Variants in TMTC1 observed in about 807,000 individuals in gnomAD.
TMTC1 encodes the protein transmembrane O-mannosyltransferase targeting cadherins 1, also known as protein O-mannosyl-transferase TMTC1.
TMTC1 carries 73 observed loss-of-function variants against 104.8 expected under a neutral mutation model. The ratio of observed to expected loss-of-function variants is 0.70; its 90% CI spans 0.58 to 0.85. The LOEUF is 0.85. Among genes scored for constraint, TMTC1 ranks in the 40% least tolerant of loss-of-function variants. The pLI, the probability that TMTC1 is intolerant of heterozygous loss-of-function variation, is 0.00. For synonymous variants in TMTC1, 434 were observed against 428.7 expected (o/e 1.01, Z -0.15); for missense variants, 1,035 against 1,096.1 (o/e 0.94, Z 0.79).
At chr12:29,532,110 G>C (rs1380880544) in intron 11 of TMTC1, among the ~76,000 whole-genome samples, 1 of 152,036 alleles carries the variant, frequency 6.6e-6, no homozygotes, top group African/African-American at 2.4e-5. Flanking sequence ...TTCTCCTCGA[G>C]GAAATTATCT....
chr12:29,737,916 A>C (rs1942723919), intron 5 of TMTC1, among the ~76,000 whole-genome samples: 1 of 152,200 alleles, frequency 6.6e-6, no homozygotes, highest in African/African-American at 2.4e-5. Flanking sequence ...CCAATGGGAA[A>C]GAGATCATGA....
At chr12:29,616,039 A>G (rs1946969515) in intron 6 of TMTC1, among the ~76,000 whole-genome samples, 1 of 152,188 alleles carries the variant, frequency 6.6e-6, no homozygotes, top group Non-Finnish European at 1.5e-5. Context: ...AGTTTGAGGA[A>G]TGCCATTCAT....
intron 10 of TMTC1, among the ~76,000 whole-genome samples, chr12:29,545,629 T>TCTCACACACACACACACACACA (rs1333007328): frequency 1.4e-5 from 1 of 73,530 alleles, no homozygotes; most frequent in African/African-American, 5.7e-5. Flanking sequence ...CAAGACTCTG[T>TCTCACACACACACACACACACA]CACACACACA....
chr12:29,535,334 C>T (rs1314911986), intron 11 of TMTC1: 1 of 152,152 alleles, frequency 6.6e-6, no homozygotes, highest in Admixed American at 6.6e-5. Flanking sequence ...GCCCGCCTAT[C>T]CTACAGGGAG....
At chr12:29,661,644 C>A (rs1037446549) in intron 5 of TMTC1, among the ~76,000 whole-genome samples, 1 of 148,822 alleles carries the variant, frequency 6.7e-6, no homozygotes, top group African/African-American at 2.5e-5. Flanking sequence ...CCATGTTGGC[C>A]AGGCTGGTCT....
intron 5 of TMTC1, among the ~76,000 whole-genome samples, chr12:29,709,923 C>G (rs998514433): frequency 6.6e-6 from 1 of 152,088 alleles, no homozygotes; most frequent in Admixed American, 6.5e-5. Context: ...GCTTTCCAAT[C>G]GCAGAACATG....
chr12:29,772,337 T>A (rs538526693), intron 1 of TMTC1, among the ~76,000 whole-genome samples: 1 of 152,320 alleles, frequency 6.6e-6, no homozygotes, highest in East Asian at 1.9e-4. Context: ...CCTGAAGGCA[T>A]TCATTTATCA....
intron 16 of TMTC1, among the ~76,000 whole-genome samples, chr12:29,513,957 C>T (rs12815535): frequency 0.23 from 35,328 of 151,940 alleles, 4,878 homozygotes; most frequent in South Asian, 0.36. Flanking sequence ...CACTTTCAAA[C>T]GACTGGTACC....
At chr12:29,740,499 T>C (rs994074105) in intron 5 of TMTC1, among the ~76,000 whole-genome samples, 3 of 152,196 alleles carry the variant, frequency 2.0e-5, no homozygotes, top group Non-Finnish European at 4.4e-5. Flanking sequence ...CTCTTCAGTC[T>C]GGGGACTCCA....
chr12:29,604,267 C>A lies in TMTC1; in HGVS notation c.1161G>T (p.Leu387Phe). Residue 387 changes from leucine (L) to phenylalanine (F), a missense_variant, in exon 7 of 18, where the codon TTG becomes TTT. Coordinates refer to ENST00000539277, the MANE Select transcript of TMTC1 (RefSeq NM_001193451.2). ...GAATGAACGGGAACACCAGGAACAA[C>A]AAGCCGACTAAAACCTCCTTGTGCT... ...RLEHKEVLVG[L>F]LFLVFPFIPA... 1 of 1,614,000 alleles carries A rather than the reference C, an allele frequency of 6.2e-7. No homozygotes were observed. The highest frequency in any genetic ancestry group is 8.5e-7 in the Non-Finnish European group (1 of 1,179,892).
intron 5 of TMTC1, among the ~76,000 whole-genome samples, chr12:29,637,211 T>G (rs971767726): frequency 6.6e-6 from 1 of 152,034 alleles, no homozygotes; most frequent in Non-Finnish European, 1.5e-5. Flanking sequence ...GTGGAGGGGA[T>G]AGTTCAGCTA....
intron 6 of TMTC1, among the ~76,000 whole-genome samples, chr12:29,617,811 T>TG (rs1947027199): frequency 6.6e-6 from 1 of 151,324 alleles, no homozygotes; most frequent in African/African-American, 2.4e-5. Flanking sequence ...GATAATGGAG[T>TG]GGGGGTTGGA....
chr12:29,762,953 G>A (rs1943385960), intron 2 of TMTC1, among the ~76,000 whole-genome samples: 1 of 152,192 alleles, frequency 6.6e-6, no homozygotes, highest in Non-Finnish European at 1.5e-5. Context: ...GTTAAACAGA[G>A]AGCCTAGCTC....
intron 7 of TMTC1, among the ~76,000 whole-genome samples, chr12:29,590,867 G>A (rs1946264052): frequency 6.6e-6 from 1 of 152,078 alleles, no homozygotes. Context: ...TAAATTCAGG[G>A]CAACTTGAAT....
intron 5 of TMTC1, among the ~76,000 whole-genome samples, chr12:29,714,846 T>G (rs1942033694): frequency 6.6e-6 from 1 of 152,174 alleles, no homozygotes; most frequent in African/African-American, 2.4e-5. Context: ...CTGGAGTACA[T>G]GCATCAGGGC....
intron 1 of TMTC1, among the ~76,000 whole-genome samples, chr12:29,768,758 T>G (rs1031856265): frequency 6.6e-6 from 1 of 152,178 alleles, no homozygotes; most frequent in African/African-American, 2.4e-5. Context: ...GTACCTGATT[T>G]CTAAGACTGT....
chr12:29,779,832 T>TA (rs36103032), intron 1 of TMTC1, among the ~76,000 whole-genome samples: 5 of 151,964 alleles, frequency 3.3e-5, no homozygotes, highest in African/African-American at 1.2e-4. Flanking sequence ...ACTCAACATT[T>TA]AAAAAAAACA....
chr12:29,690,445 T>C (rs1346530033), intron 5 of TMTC1, among the ~76,000 whole-genome samples: 4 of 152,146 alleles, frequency 2.6e-5, no homozygotes, highest in African/African-American at 9.7e-5. Context: ...AATAAAGTAA[T>C]GAGATCAGTT....
intron 5 of TMTC1, among the ~76,000 whole-genome samples, chr12:29,661,716 G>A (rs180997238): frequency 3.9e-5 from 6 of 152,238 alleles, no homozygotes; most frequent in Admixed American, 3.9e-4. Flanking sequence ...GATTACAGGC[G>A]TGAGCCACTG....
Sources: gnomAD v4.1 joint callset for allele counts (sites outside exome capture counted in the v4.1 genomes callset) on GRCh38, gnomAD v4.1.1 for gene constraint, MANE v1.5 for transcripts, NCBI Gene and HGNC (gene_info 2026-07-23, HGNC 2026-07-21) for gene names.